TPH2: variants seen among roughly 807,000 people sequenced by gnomAD.
TPH2 encodes tryptophan hydroxylase 2, also known as tryptophan 5-hydroxylase 2.
Under a neutral mutation model 59.1 loss-of-function variants are expected in TPH2, and 27 were observed. The ratio of observed to expected loss-of-function variants is 0.46; its 90% CI spans 0.34 to 0.63. The LOEUF is 0.63. Ranked by LOEUF, TPH2 falls within the 30% of genes least tolerant of loss-of-function variation. TPH2 has a pLI of 0.01. For missense variants in TPH2, 523 were observed against 588.3 expected (o/e 0.89, Z 1.15); for synonymous variants, 220 against 210.5 (o/e 1.05, Z -0.39).
At chr12:71,939,265 A>G (rs552488883) in intron 1 of TPH2, among the ~76,000 whole-genome samples, 174 bp downstream of exon 1, 5 of 152,204 alleles carry the variant, frequency 3.3e-5, no homozygotes, top group Admixed American at 2.0e-4. Flanking sequence ...TCTTCTCTCC[A>G]TAAGTAAAGC....
intron 7 of TPH2, among the ~76,000 whole-genome samples, chr12:71,983,068 T>A (rs78590727): frequency 2.0e-5 from 3 of 149,900 alleles, no homozygotes; most frequent in African/African-American, 2.5e-5. Flanking sequence ...TCTATAAAAA[T>A]AAAAAAAAAA....
chr12:71,982,032 T>TTTTTTTTTTTTTTTTTTTTTG (rs71071810), intron 7 of TPH2, among the ~76,000 whole-genome samples: 2 of 144,430 alleles, frequency 1.4e-5, no homozygotes, highest in African/African-American at 5.1e-5. Flanking sequence ...TTTTTTTTTT[T>TTTTTTTTTTTTTTTTTTTTTG]AGACAGAGTC....
chr12:72,005,606 C>T (rs1872934426), intron 8 of TPH2, among the ~76,000 whole-genome samples: 2 of 152,122 alleles, frequency 1.3e-5, no homozygotes, highest in South Asian at 2.1e-4. Flanking sequence ...TTATCAAACA[C>T]TTGTGCTGTC....
At chr12:71,942,428 A>C (rs1213571492) in intron 2 of TPH2, among the ~76,000 whole-genome samples, 1 of 152,116 alleles carries the variant, frequency 6.6e-6, no homozygotes, top group African/African-American at 2.4e-5. Flanking sequence ...CCTCCCTTAC[A>C]AATGCATTTT....
chr12:72,005,702 C>T (rs1158432463), intron 8 of TPH2, among the ~76,000 whole-genome samples: 4 of 152,146 alleles, frequency 2.6e-5, no homozygotes, highest in Non-Finnish European at 5.9e-5. Flanking sequence ...TTTCAATCAA[C>T]TAAGTTCCGA....
At chr12:71,984,994 C>T (rs961091673) in intron 7 of TPH2, among the ~76,000 whole-genome samples, 3 of 152,162 alleles carry the variant, frequency 2.0e-5, no homozygotes, top group South Asian at 2.1e-4. Flanking sequence ...AGCAACAATA[C>T]GTTTATTATG....
At chr12:72,030,127 A>G (rs1873681376) in intron 9 of TPH2, among the ~76,000 whole-genome samples, 1 of 152,128 alleles carries the variant, frequency 6.6e-6, no homozygotes, top group Non-Finnish European at 1.5e-5. Context: ...CTAAAGCCCC[A>G]GTTTTCCAAC....
chr12:71,974,159 G>A (rs1872051495), intron 6 of TPH2, among the ~76,000 whole-genome samples: 1 of 151,818 alleles, frequency 6.6e-6, no homozygotes, highest in Non-Finnish European at 1.5e-5. Context: ...GTTTCTATCA[G>A]TACTGTTTTT....
At chr12:71,979,785 A>G (rs1872222339) in intron 7 of TPH2, among the ~76,000 whole-genome samples, 2 of 152,236 alleles carry the variant, frequency 1.3e-5, no homozygotes, top group African/African-American at 4.8e-5. Flanking sequence ...GCCTAATCAC[A>G]CGTGGGATTG....
intron 7 of TPH2, among the ~76,000 whole-genome samples, chr12:71,987,706 G>A (rs1872476558): frequency 6.6e-6 from 1 of 152,090 alleles, no homozygotes; most frequent in Admixed American, 6.6e-5. Flanking sequence ...AAAAAAATTA[G>A]CCAGGGGTGG....
At chr12:71,986,614 T>C (rs369264543) in intron 7 of TPH2, among the ~76,000 whole-genome samples, 98 of 148,478 alleles carry the variant, frequency 6.6e-4, no homozygotes, top group African/African-American at 2.4e-3. Context: ...AAAGCTTCAA[T>C]ACTTCAGCCA....
intron 4 of TPH2, among the ~76,000 whole-genome samples, chr12:71,948,588 G>A (rs1319790362): frequency 6.6e-6 from 1 of 152,174 alleles, no homozygotes; most frequent in African/African-American, 2.4e-5. Context: ...CTTAGGTTCA[G>A]CAGAGGTAGT....
intron 6 of TPH2, 149 bp downstream of exon 6, chr12:71,972,864 C>T: frequency 1.2e-6 from 1 of 820,974 alleles, no homozygotes; most frequent in Non-Finnish European, 1.9e-6. Flanking sequence ...CCTGCGGCCA[C>T]CTGTGGGAAG....
intron 8 of TPH2, among the ~76,000 whole-genome samples, chr12:72,009,344 C>A (rs111916440): frequency 6.6e-6 from 1 of 152,294 alleles, no homozygotes; most frequent in African/African-American, 2.4e-5. Flanking sequence ...AAATAACTTA[C>A]CATGAGACAC....
chr12:72,012,245 G>T (rs1592410832), intron 8 of TPH2, among the ~76,000 whole-genome samples: 1 of 152,264 alleles, frequency 6.6e-6, no homozygotes, highest in East Asian at 1.9e-4. Flanking sequence ...ATTCCAGGAA[G>T]CTCAGGGTCT....
At position 71,940,043 on chromosome 12, in the gene TPH2, C is replaced by A. The variant is rs539684784; in HGVS notation, c.105+952C>A. Among the ~76,000 whole-genome samples the A allele has an allele frequency of 3.9e-5, 6 of 152,154 alleles. No homozygotes were observed. In the South Asian group the frequency reaches 1.2e-3, roughly 32 times the overall value. ...GCAACTTCTGTAGAATTATTTAAATCAATTTGCAAAAATGAGGCCAAAATG... is the reference window on the plus strand; with the variant it reads ...GCAACTTCTGTAGAATTATTTAAATAAATTTGCAAAAATGAGGCCAAAATG... On this transcript the variant is annotated intron_variant, in intron 1 of 10. Transcript: ENST00000333850.
chr12:71,945,002 A>G (rs1227979859), intron 4 of TPH2, among the ~76,000 whole-genome samples: 1 of 152,170 alleles, frequency 6.6e-6, no homozygotes, highest in Non-Finnish European at 1.5e-5. Flanking sequence ...CCTTGGAAAA[A>G]CGATGAACTG....
rs183825950 is a variant in TPH2 at position 72,029,904 on chromosome 12, G to A, written c.1165-1354G>A. 3.3e-5 allele frequency among the ~76,000 whole-genome samples: 5 copies of A among 152,252 alleles called. No homozygotes were observed. The East Asian group carries it at 5.8e-4, about 18-fold the overall frequency. On this transcript the variant is annotated intron_variant, in intron 9 of 10. Transcript: ENST00000333850. ...TTTTGAAATTGTTGGAGGAATGCAC[G>A]AAGAATATTGAACAGGAAAGGGTTT...
intron 8 of TPH2, among the ~76,000 whole-genome samples, chr12:72,015,868 A>G (rs939031875): frequency 6.6e-6 from 1 of 152,060 alleles, no homozygotes; most frequent in South Asian, 2.1e-4. Flanking sequence ...CTAGAAAGAG[A>G]TGGGGCAGTG....
Sources: gnomAD v4.1 joint callset for allele counts (sites outside exome capture counted in the v4.1 genomes callset) on GRCh38, gnomAD v4.1.1 for gene constraint, MANE v1.5 for transcripts, NCBI Gene and HGNC (gene_info 2026-07-23, HGNC 2026-07-21) for gene names.